The following PTPRD variants were observed in gnomAD, a reference collection of about 807,000 sequenced individuals.
PTPRD encodes the protein protein tyrosine phosphatase receptor type D, also known as receptor-type tyrosine-protein phosphatase delta.
Under a neutral mutation model 214.5 loss-of-function variants are expected in PTPRD, and 34 were observed. The observed-to-expected ratio is 0.16, with a 90% CI of 0.12 to 0.21. The LOEUF (loss-of-function observed/expected upper bound fraction) is 0.21. PTPRD is among the 10% of genes least tolerant of loss of function. The pLI is 1.00. For synonymous variants in PTPRD, 1,128 were observed against 845.7 expected (o/e 1.33, Z -5.79); for missense variants, 2,545 against 2,398.7 (o/e 1.06, Z -1.27).
chr9:9,648,562 C>T (rs941342414), intron 7 of PTPRD, among the ~76,000 whole-genome samples: 1 of 152,156 alleles, frequency 6.6e-6, no homozygotes, highest in Admixed American at 6.5e-5. Flanking sequence ...TTGATGATCA[C>T]TACAGACAAA....
At chr9:9,449,290 CT>C (rs1330526908) in intron 8 of PTPRD, among the ~76,000 whole-genome samples, 1 of 152,026 alleles carries the variant, frequency 6.6e-6, no homozygotes, top group Non-Finnish European at 1.5e-5. Context: ...GCAATTCAAT[CT>C]TTTTTTATTA....
At chr9:8,606,904 T>C (rs1295727903) in intron 14 of PTPRD, among the ~76,000 whole-genome samples, 1 of 152,222 alleles carries the variant, frequency 6.6e-6, no homozygotes, top group East Asian at 1.9e-4. Flanking sequence ...TGGGCATCTC[T>C]CTCTGTAGAA....
At position 10,408,005 on chromosome 9, in the gene PTPRD, C is replaced by T. The variant is rs537714395; in HGVS notation, c.-599-66988G>A. Among the ~76,000 whole-genome samples, 9 of 151,638 alleles carry T rather than the reference C, an allele frequency of 5.9e-5. No individual in the cohort carries two copies. In the South Asian group the frequency reaches 1.5e-3, roughly 25 times the overall value. On this transcript the variant is annotated intron_variant, in intron 2 of 45. Transcript: ENST00000381196. ...GTTACATGTAAGATCTTATATGTTA[C>T]ATGTGTATACATATCACACATGCAC...
chr9:10,264,858 CA>C (rs1245868410), intron 3 of PTPRD, among the ~76,000 whole-genome samples: 2 of 152,070 alleles, frequency 1.3e-5, no homozygotes, highest in African/African-American at 2.4e-5. Context: ...GGGAGGGACC[CA>C]GGGGGAGATA....
chr9:10,479,652 A>AATACATAAATACATAAATAC (rs1555402851), intron 2 of PTPRD, among the ~76,000 whole-genome samples: 4 of 124,096 alleles, frequency 3.2e-5, no homozygotes, highest in Non-Finnish European at 7.1e-5. Flanking sequence ...TAAATAAATA[A>AATACATAAATACATAAATAC]ATAAATAAAC....
chr9:8,931,281 G>A (rs13296289), intron 11 of PTPRD, among the ~76,000 whole-genome samples: 16,063 of 151,842 alleles, frequency 0.11, 1,075 homozygotes, highest in South Asian at 0.19. Context: ...TAGATGTGTG[G>A]TATTATTTTT....
chr9:8,726,666 T>C (rs1598105198), intron 12 of PTPRD, among the ~76,000 whole-genome samples: 1 of 109,492 alleles, frequency 9.1e-6, no homozygotes, highest in African/African-American at 3.6e-5. Flanking sequence ...CCAGGTGTGG[T>C]GGTGGGCACC....
chr9:9,662,120 G>A (rs1243181856), intron 7 of PTPRD, among the ~76,000 whole-genome samples: 2 of 151,638 alleles, frequency 1.3e-5, no homozygotes, highest in Admixed American at 6.6e-5. Context: ...CTCATTGAGA[G>A]TAAAGAACTG....
chr9:10,281,444 C>A (rs1207738302), intron 3 of PTPRD, among the ~76,000 whole-genome samples: 1 of 152,136 alleles, frequency 6.6e-6, no homozygotes, highest in African/African-American at 2.4e-5. Flanking sequence ...ATGGAAATGT[C>A]CAAATCTCAC....
At chr9:10,202,243 C>CA (rs2099429003) in intron 3 of PTPRD, among the ~76,000 whole-genome samples, 1 of 151,958 alleles carries the variant, frequency 6.6e-6, no homozygotes. Flanking sequence ...GGGCTTATTA[C>CA]AAAAATAACA....
chr9:10,469,735 G>A (rs1215434213), intron 2 of PTPRD, among the ~76,000 whole-genome samples: 4 of 152,072 alleles, frequency 2.6e-5, no homozygotes, highest in Non-Finnish European at 2.9e-5. Context: ...ACTATTCACA[G>A]TAGCCAATAT....
At chr9:8,515,325 CAT>C (rs920165711) in intron 21 of PTPRD, among the ~76,000 whole-genome samples, 35 of 152,216 alleles carry the variant, frequency 2.3e-4, no homozygotes, top group African/African-American at 7.7e-4. Context: ...TAGTGTCCTC[CAT>C]ATGTTAGCTA....
chr9:9,282,929 G>C (rs185895003), intron 9 of PTPRD, among the ~76,000 whole-genome samples: 13 of 151,510 alleles, frequency 8.6e-5, no homozygotes, highest in African/African-American at 2.9e-4. Flanking sequence ...CAATATGTTA[G>C]ATTACACTAT....
intron 3 of PTPRD, among the ~76,000 whole-genome samples, chr9:10,046,051 C>T (rs2097386759): frequency 1.3e-5 from 2 of 151,674 alleles, no homozygotes; most frequent in Non-Finnish European, 3.0e-5. Context: ...TGATAAGCTA[C>T]AAAATAATAC....
At chr9:9,139,171 A>G (rs1814996866) in intron 10 of PTPRD, among the ~76,000 whole-genome samples, 1 of 151,442 alleles carries the variant, frequency 6.6e-6, no homozygotes, top group African/African-American at 2.4e-5. Context: ...ACTGCAGACA[A>G]TTCTGAACCC....
intron 11 of PTPRD, among the ~76,000 whole-genome samples, chr9:8,920,384 T>C (rs918659233): frequency 1.3e-5 from 2 of 152,086 alleles, no homozygotes; most frequent in Non-Finnish European, 2.9e-5. Context: ...AAGGAGGCAA[T>C]GTATTTGGAA....
At chr9:9,701,147 C>T (rs1008887930) in intron 7 of PTPRD, among the ~76,000 whole-genome samples, 17 of 151,912 alleles carry the variant, frequency 1.1e-4, no homozygotes, top group African/African-American at 3.9e-4. Flanking sequence ...TGTGTATAAC[C>T]CATTCTTGGA....
chr9:10,305,741 A>G (rs146483716), intron 3 of PTPRD, among the ~76,000 whole-genome samples: 7 of 152,302 alleles, frequency 4.6e-5, no homozygotes, highest in African/African-American at 7.2e-5. Context: ...CACTTCAGTT[A>G]CAATGGCAAT....
chr9:9,095,655 G>A (rs1411072436), intron 10 of PTPRD, among the ~76,000 whole-genome samples: 1 of 152,150 alleles, frequency 6.6e-6, no homozygotes, highest in East Asian at 1.9e-4. Context: ...ACTCATGTAG[G>A]AATGTAGATT....
Sources: gnomAD v4.1 joint callset for allele counts (sites outside exome capture counted in the v4.1 genomes callset) on GRCh38, gnomAD v4.1.1 for gene constraint, MANE v1.5 for transcripts, NCBI Gene and HGNC (gene_info 2026-07-23, HGNC 2026-07-21) for gene names.